HNF4G: variants seen among roughly 807,000 people sequenced by gnomAD.
HNF4G encodes hepatocyte nuclear factor 4-gamma.
Under a neutral mutation model 50.9 loss-of-function variants are expected in HNF4G, and 21 were observed. The observed-to-expected ratio is 0.41, with a 90% CI of 0.29 to 0.59. The LOEUF (loss-of-function observed/expected upper bound fraction) is 0.59. HNF4G is among the 20% of genes least tolerant of loss of function. The pLI, the probability that HNF4G is intolerant of heterozygous loss-of-function variation, is 0.26. For synonymous variants in HNF4G, 198 were observed against 185.6 expected, an observed-to-expected ratio of 1.07 and a Z score of -0.54; for missense variants, 527 against 559.4, an observed-to-expected ratio of 0.94 and a Z score of 0.58.
rs996149299 is a variant in HNF4G at position 75,533,485 on chromosome 8, C to T, written c.-23-10326C>T. Among the ~76,000 whole-genome samples the T allele has an allele frequency of 3.9e-5, 6 of 152,020 alleles. No individual in the cohort carries two copies. In the South Asian group the frequency reaches 1.2e-3, roughly 31 times the overall value. On this transcript the variant is annotated intron_variant, in intron 2 of 10. Transcript: ENST00000354370. ...TATACAAGTTGGCATTAAACAATTC[C>T]AGGTTTCTTACTTGAGAGTGATAAT...
chr8:75,471,492 GT>G (rs1304652656), intron 1 of HNF4G, among the ~76,000 whole-genome samples: 4 of 152,130 alleles, frequency 2.6e-5, no homozygotes, highest in South Asian at 2.1e-4. Flanking sequence ...GAGTGTTTCA[GT>G]TTTTTCAAGA....
intron 2 of HNF4G, among the ~76,000 whole-genome samples, chr8:75,511,193 A>G (rs925523887): frequency 1.3e-5 from 2 of 152,014 alleles, no homozygotes; most frequent in Non-Finnish European, 2.9e-5. Context: ...TCATTTTATG[A>G]TCTCTATAGG....
Position 75,557,418 on chromosome 8 carries a change from G to A in HNF4G, c.734-1100G>A, listed in dbSNP as rs145105866. On this transcript the variant is annotated intron_variant, in intron 6 of 9. Coordinates refer to ENST00000396423, the MANE Select transcript of HNF4G (RefSeq NM_004133.5). Reference sequence around the variant, plus strand: ...GAGGATCACTTAAGGTCAGGAGTTCGAGACCAGCCTGGCCAACATGGTGAA... The same window carrying A: ...GAGGATCACTTAAGGTCAGGAGTTCAAGACCAGCCTGGCCAACATGGTGAA... Among the ~76,000 whole-genome samples the A allele has an allele frequency of 9.2e-5, 14 of 152,206 alleles. No individual in the cohort carries two copies. In the East Asian group the frequency reaches 1.4e-3, roughly 15 times the overall value.
intron 1 of HNF4G, among the ~76,000 whole-genome samples, chr8:75,543,319 G>A (rs1806682272): frequency 6.6e-6 from 1 of 152,138 alleles, no homozygotes; most frequent in Non-Finnish European, 1.5e-5. Context: ...TATTGGCCCT[G>A]GGAAACTGGA....
chr8:75,473,661 C>G (rs1376067199), intron 1 of HNF4G, among the ~76,000 whole-genome samples: 1 of 152,098 alleles, frequency 6.6e-6, no homozygotes, highest in African/African-American at 2.4e-5. Context: ...CCATCATCCA[C>G]AATAAGATTT....
At chr8:75,558,476 G>A (rs753440022) in intron 6 of HNF4G, 42 bp from the exon 7 acceptor site, 5 of 1,575,372 alleles carry the variant, frequency 3.2e-6, no homozygotes, top group Middle Eastern at 1.8e-4. Flanking sequence ...GGGGAGACAG[G>A]TGGTTATTTT....
In HNF4G at chr8:75,551,584, G is replaced by C. The variant is rs536148237; in HGVS notation, c.489+90G>C. Reference sequence around the variant, plus strand: ...CTAAAATAATCTAAGTTTTTTCAAAGGTGCTCATTACTAAAATAAGTTACA... The same window carrying C: ...CTAAAATAATCTAAGTTTTTTCAAACGTGCTCATTACTAAAATAAGTTACA... On this transcript the variant is annotated intron_variant, in intron 4 of 9. Coordinates refer to ENST00000396423, the MANE Select transcript of HNF4G (RefSeq NM_004133.5). 1.6e-5 allele frequency: 12 copies of C among 730,110 alleles called. No individual in the cohort carries two copies. In the African/African-American group the frequency reaches 1.9e-4, roughly 12 times the overall value. The allele number at this position is 730,110 out of a possible 1,614,324, so 45.2% of individuals were successfully genotyped here.
chr8:75,497,945 A>G (rs1267561588), intron 2 of HNF4G, among the ~76,000 whole-genome samples: 2 of 152,114 alleles, frequency 1.3e-5, no homozygotes, highest in Admixed American at 1.3e-4. Context: ...ATTAATAGAG[A>G]CCCTACTGAA....
At chr8:75,542,535 GAA>G (rs71567128) in intron 1 of HNF4G, among the ~76,000 whole-genome samples, 6,727 of 80,376 alleles carry the variant, frequency 0.084, 184 homozygotes, top group African/African-American at 0.11. Context: ...CAATGACGAC[GAA>G]AAAAAAAAAA....
chr8:75,514,354 C>CTTTTTTTTTTCTTTTTTTTT (rs1805837081), intron 2 of HNF4G, among the ~76,000 whole-genome samples: 2 of 125,034 alleles, frequency 1.6e-5, no homozygotes, highest in African/African-American at 3.1e-5. Flanking sequence ...TTTCTTCTTT[C>CTTTTTTTTTTCTTTTTTTTT]TTTTTTTTTT....
chr8:75,535,475 G>T (rs765165968), upstream of HNF4G, among the ~76,000 whole-genome samples: 46 of 151,628 alleles, frequency 3.0e-4, no homozygotes, highest in Non-Finnish European at 8.9e-5. Context: ...AAAATACACT[G>T]GGTTGATTTA....
chr8:75,426,489 AGGAAGT>A (rs1185822969), intron 1 of HNF4G, among the ~76,000 whole-genome samples: 1 of 152,230 alleles, frequency 6.6e-6, no homozygotes, highest in Non-Finnish European at 1.5e-5. Flanking sequence ...CCTCTGAACC[AGGAAGT>A]GAACTCAGAA....
At chr8:75,483,899 G>A (rs982665139) in intron 1 of HNF4G, among the ~76,000 whole-genome samples, 2 of 152,106 alleles carry the variant, frequency 1.3e-5, no homozygotes, top group Non-Finnish European at 2.9e-5. Context: ...AAACAGCACT[G>A]ATATAACTGA....
At chr8:75,544,317 T>G (rs904262452) in intron 2 of HNF4G, among the ~76,000 whole-genome samples, 4 of 152,210 alleles carry the variant, frequency 2.6e-5, no homozygotes, top group Admixed American at 2.6e-4. Flanking sequence ...CATTTCATGT[T>G]ATCTTTTCCT....
At chr8:75,455,226 T>C (rs1811691961) in intron 1 of HNF4G, among the ~76,000 whole-genome samples, 1 of 152,158 alleles carries the variant, frequency 6.6e-6, no homozygotes, top group Admixed American at 6.5e-5. Context: ...CATAGTCTTT[T>C]TGTAAAAACA....
intron 9 of HNF4G, among the ~76,000 whole-genome samples, chr8:75,561,737 G>A (rs1440796293): frequency 6.6e-6 from 1 of 152,116 alleles, no homozygotes; most frequent in African/African-American, 2.4e-5. Flanking sequence ...CCAGACTGGT[G>A]GTGTTTAACT....
intron 2 of HNF4G, among the ~76,000 whole-genome samples, chr8:75,525,913 CA>C (rs1806166126): frequency 6.6e-6 from 1 of 151,440 alleles, no homozygotes; most frequent in Admixed American, 6.6e-5. Context: ...AACAAACAAA[CA>C]AAAAAGGGAG....
intron 2 of HNF4G, among the ~76,000 whole-genome samples, chr8:75,529,216 G>C (rs1220667716): frequency 1.3e-5 from 2 of 152,010 alleles, no homozygotes; most frequent in African/African-American, 4.8e-5. Flanking sequence ...GCGTGAACCC[G>C]GCAGGCGGAG....
At chr8:75,456,908 A>T (rs913574784) in intron 1 of HNF4G, among the ~76,000 whole-genome samples, 1 of 151,810 alleles carries the variant, frequency 6.6e-6, no homozygotes, top group Non-Finnish European at 1.5e-5. Context: ...GCCCAAAAAA[A>T]TAAAAAAAAA....
Sources: allele counts gnomAD v4.1 joint callset (sites outside exome capture counted in the v4.1 genomes callset), GRCh38; gene constraint gnomAD v4.1.1; transcripts MANE v1.5; gene names NCBI Gene and HGNC (gene_info 2026-07-23, HGNC 2026-07-21).